Variants in DGAT2L6 observed in about 807,000 individuals in gnomAD.
DGAT2L6 encodes diacylglycerol O-acyltransferase 2-like protein 6.
DGAT2L6 carries 22 observed loss-of-function variants against 25.5 expected under a neutral mutation model. That is an observed-to-expected ratio of 0.86 (90% CI 0.62 to 1.23). DGAT2L6 has a LOEUF of 1.23. DGAT2L6 is among the 50% of genes most tolerant of loss of function. The pLI, the probability that DGAT2L6 is intolerant of heterozygous loss-of-function variation, is 0.00. For missense variants in DGAT2L6, 287 were observed against 253.2 expected, an observed-to-expected ratio of 1.13 and a Z score of -0.91; for synonymous variants, 100 against 94.7, an observed-to-expected ratio of 1.06 and a Z score of -0.32.
At chrX:70,199,216 A>C in intron 1 of DGAT2L6, 55 bp from the exon 2 acceptor site, 1 of 806,117 alleles carries the variant, frequency 1.2e-6, no homozygotes, top group Non-Finnish European at 1.8e-6. Flanking sequence ...GGTTATGAGA[A>C]GTATACTAAA....
rs1415574946 is a variant in DGAT2L6, at chrX:70,204,365, C to T, written c.708C>T (p.Phe236=). ...ACGAAGTTTTCAATCAGGAGACCTT[C>T]CCTGAGGGCACGTGGTTAAGGTTGT... ...GENEVFNQET[F]PEGTWLRLFQ... The change falls in exon 6 of 7, where the codon TTC becomes TTT. Residue 236 remains phenylalanine, a synonymous_variant. Coordinates refer to ENST00000333026, the MANE Select transcript of DGAT2L6 (RefSeq NM_198512.3). 1 of 1,208,769 alleles carries T rather than the reference C, an allele frequency of 8.3e-7. No homozygotes were observed. The highest frequency in any genetic ancestry group is 1.1e-6 in the Non-Finnish European group (1 of 894,799).
intron 1 of DGAT2L6, among the ~76,000 whole-genome samples, chrX:70,195,198 C>T (rs2085387075): frequency 9.0e-6 from 1 of 111,668 alleles, no homozygotes; most frequent in East Asian, 2.8e-4. Flanking sequence ...GAGATATCAC[C>T]TTACACCTGT....
chrX:70,177,704 A>G (rs748914159), intron 1 of DGAT2L6, 37 bp downstream of exon 1: 1 of 1,124,440 alleles, frequency 8.9e-7, no homozygotes, highest in South Asian at 1.8e-5. Flanking sequence ...CACATGGGGA[A>G]CAAACCAAAA....
In DGAT2L6 at chrX:70,186,236, C is replaced by G. The variant is rs527780684; in HGVS notation, c.85+8569C>G. On this transcript the variant is annotated intron_variant, in intron 1 of 6. Coordinates refer to ENST00000333026, the MANE Select transcript of DGAT2L6 (RefSeq NM_198512.3). ...GTTTGGCACTGTGCTAAAGGCCAAA[C>G]TTACTGTCTGATAGGGAGAGAGACA... is the stretch of plus-strand genomic sequence containing the variant. Among the ~76,000 whole-genome samples, 105 of 112,273 alleles carry G rather than the reference C, an allele frequency of 9.4e-4. 2 individuals carry two copies. The South Asian group carries it at 0.034, about 36-fold the overall frequency.
chrX:70,199,881 A>G lies in DGAT2L6; in HGVS notation c.266A>G (p.Lys89Arg), dbSNP rs1390229142. 8.3e-7 allele frequency: 1 copy of G among 1,209,566 alleles called. No homozygotes were observed. ...WKYFRNYFPV[K>R]LVKTHDLSPK... is the part of the protein sequence containing the mutation. ...TATTTCCGAAATTACTTCCCAGTAA[A>G]GGTGACCACTCTTCCTCGGGGTGCC... Residue 89 changes from lysine to arginine, a missense_variant and splice_region_variant, in exon 3 of 7, where the codon AAG (lysine) becomes AGG (arginine). Transcript: ENST00000333026.
intron 1 of DGAT2L6, among the ~76,000 whole-genome samples, chrX:70,179,562 CTTTT>C (rs3084451): frequency 1.6e-4 from 10 of 64,230 alleles, no homozygotes; most frequent in South Asian, 9.8e-4. Flanking sequence ...TCTGAGGCAG[CTTTT>C]TTTTTTTTTT....
intron 5 of DGAT2L6, among the ~76,000 whole-genome samples, chrX:70,202,753 C>G: frequency 8.9e-6 from 1 of 111,787 alleles, no homozygotes; most frequent in Non-Finnish European, 1.9e-5. Context: ...CTCCCCCACC[C>G]CAAGAGTCTA....
At chrX:70,183,417 G>A (rs996524649) in intron 1 of DGAT2L6, among the ~76,000 whole-genome samples, 1 of 112,166 alleles carries the variant, frequency 8.9e-6, no homozygotes, top group African/African-American at 3.2e-5. Context: ...TATTACTCAA[G>A]TCATATCTTC....
chrX:70,186,361 T>G (rs2085359710), intron 1 of DGAT2L6, among the ~76,000 whole-genome samples: 1 of 112,075 alleles, frequency 8.9e-6, no homozygotes, highest in South Asian at 3.7e-4. Flanking sequence ...GAGTCCTCAA[T>G]TCTGACCGGG....
intron 1 of DGAT2L6, among the ~76,000 whole-genome samples, chrX:70,187,717 G>A (rs762309647): frequency 8.9e-6 from 1 of 112,283 alleles, no homozygotes; most frequent in South Asian, 3.7e-4. Context: ...CTATTTAGAA[G>A]ACACTGGTAG....
rs2085424084 is a variant in DGAT2L6 at position 70,205,003 on chromosome X, T to C, written c.911T>C (p.Val304Ala). ...PRIKRPNQKT[V>A]DKYHALYISA... ...ATTAAGAGGCCAAACCAGAAGACAG[T>C]AGACAAGTATCACGCACTCTACATC... The change falls in exon 7 of 7, where the codon GTA (valine) becomes GCA (alanine). Residue 304 changes from valine to alanine, a missense_variant. By Grantham distance (64) the Val-to-Ala change is moderately conservative. Transcript: ENST00000333026. The C allele has an allele frequency of 1.7e-6, 2 of 1,204,476 alleles. No individual in the cohort carries two copies. Among genetic ancestry groups the C allele is most frequent in the African/African-American group, 1.7e-5 (1 of 57,280 alleles).
intron 1 of DGAT2L6, among the ~76,000 whole-genome samples, chrX:70,188,780 C>T (rs2085366725): frequency 9.1e-6 from 1 of 110,301 alleles, no homozygotes; most frequent in Admixed American, 9.7e-5. Flanking sequence ...TGCACCATGA[C>T]CAAGTGGCCT....
chrX:70,200,171 A>ATAC lies in DGAT2L6; in HGVS notation c.268-82_268-81insCTA, dbSNP rs768407034. ...GGATTTGGGGCTCCCAGAGGGAAAC[A>ATAC]TAGGCTACCTGCTGGGATTTTAGTC... On this transcript the variant is annotated intron_variant, in intron 3 of 6. Coordinates refer to ENST00000333026, the MANE Select transcript of DGAT2L6 (RefSeq NM_198512.3). The ATAC allele has an allele frequency of 1.1e-4, 106 of 967,853 alleles. No homozygotes were observed. The East Asian group carries it at 3.1e-3, about 29-fold the overall frequency. The allele number at this position is 967,853 out of a possible 1,213,427, so 79.8% of individuals were successfully genotyped here.
chrX:70,205,197 A>T lies in DGAT2L6; in HGVS notation c.*91A>T. 7 of 989,260 alleles carry T rather than the reference A, an allele frequency of 7.1e-6. No homozygotes were observed. In the South Asian group the frequency reaches 2.1e-4, roughly 30 times the overall value. 81.5% of individuals were successfully genotyped at this position (989,260 alleles called of 1,213,427 possible). A position where few individuals can be genotyped will look rare whatever the true frequency, so the allele number is the denominator to read the frequency against. On this transcript the variant is annotated 3_prime_UTR_variant, in exon 7 of 7. Coordinates refer to ENST00000333026, the MANE Select transcript of DGAT2L6 (RefSeq NM_198512.3). ...AAGAAGAATTCCAGGAGAGGGAAAG[A>T]TCGTAAGGATGAGAGAGGAGACCAT... is the stretch of plus-strand genomic sequence containing the variant.
intron 4 of DGAT2L6, among the ~76,000 whole-genome samples, chrX:70,201,439 T>C (rs2085410043): frequency 9.0e-6 from 1 of 111,631 alleles, no homozygotes; most frequent in South Asian, 3.8e-4. Context: ...ACCCCAGCCA[T>C]TGGCTTCCCT....
intron 4 of DGAT2L6, 41 bp from the exon 5 acceptor site, chrX:70,201,849 G>C: frequency 2.7e-6 from 3 of 1,130,432 alleles, no homozygotes; most frequent in Non-Finnish European, 3.5e-6. Flanking sequence ...CCCATCCTCA[G>C]GAATGAAGTT....
intron 1 of DGAT2L6, among the ~76,000 whole-genome samples, chrX:70,198,105 T>A (rs2085397315): frequency 8.9e-6 from 1 of 112,765 alleles, no homozygotes; most frequent in African/African-American, 3.2e-5. Flanking sequence ...TTTTATCTGC[T>A]ATGACATGGT....
At chrX:70,200,549 G>GT (rs1244813934) in intron 4 of DGAT2L6, 90 bp downstream of exon 4, 12 of 855,028 alleles carry the variant, frequency 1.4e-5, no homozygotes, top group African/African-American at 2.0e-5. Flanking sequence ...TGCTTGAAGA[G>GT]TACATGATAG....
intron 1 of DGAT2L6, among the ~76,000 whole-genome samples, chrX:70,188,180 A>C (rs1012578098): frequency 8.9e-6 from 1 of 111,934 alleles, no homozygotes; most frequent in African/African-American, 3.3e-5. Context: ...TTTTAACTTA[A>C]GCTAGTAATC....
Sources: gnomAD v4.1 joint callset for allele counts (sites outside exome capture counted in the v4.1 genomes callset) on GRCh38, gnomAD v4.1.1 for gene constraint, MANE v1.5 for transcripts, NCBI Gene and HGNC (gene_info 2026-07-23, HGNC 2026-07-21) for gene names.